Variants in HIPK3 observed in about 807,000 individuals in gnomAD.
The protein encoded by HIPK3 is homeodomain interacting protein kinase 3.
Under a neutral mutation model 124.2 loss-of-function variants are expected in HIPK3, and 47 were observed. The ratio of observed to expected loss-of-function variants is 0.38; its 90% CI spans 0.30 to 0.48. The LOEUF is 0.48. Ranked by LOEUF, HIPK3 falls within the 20% of genes least tolerant of loss-of-function variation. HIPK3 has a pLI of 0.98. For synonymous variants in HIPK3, 482 were observed against 515.2 expected, an observed-to-expected ratio of 0.94 and a Z score of 0.87; for missense variants, 1,286 against 1,454.3, an observed-to-expected ratio of 0.88 and a Z score of 1.88.
Position 33,355,594 on chromosome 11 carries a change from C to T in HIPK3, c.*2026C>T, listed in dbSNP as rs1247461713. 5 of 151,934 alleles carry T rather than the reference C, an allele frequency of 3.3e-5. No individual in the cohort carries two copies. Among genetic ancestry groups the T allele is most frequent in the African/African-American group, 7.2e-5 (3 of 41,406 alleles). The allele number at this position is 151,934 out of a possible 1,614,324, so 9.4% of individuals were successfully genotyped here. On this transcript the variant is annotated 3_prime_UTR_variant, in exon 17 of 17. Coordinates refer to ENST00000303296, the MANE Select transcript of HIPK3 (RefSeq NM_005734.5). Reference sequence around the variant, plus strand: ...TACCACTAGTACAGCTCTAGTACAGCGTTCACAATAAGCTAATAATGGATA... The same window carrying T: ...TACCACTAGTACAGCTCTAGTACAGTGTTCACAATAAGCTAATAATGGATA...
At chr11:33,272,553 T>G (rs1851155092) in intron 1 of HIPK3, among the ~76,000 whole-genome samples, 2 of 152,170 alleles carry the variant, frequency 1.3e-5, no homozygotes, top group South Asian at 4.1e-4. Context: ...AAGTTTCTGC[T>G]GTATCACCTT....
intron 2 of HIPK3, among the ~76,000 whole-genome samples, chr11:33,310,552 G>A (rs1189201195): frequency 6.6e-6 from 1 of 152,012 alleles, no homozygotes; most frequent in Non-Finnish European, 1.5e-5. Flanking sequence ...CAAGTGATTC[G>A]CCCAGCTTGG....
chr11:33,332,296 T>C (rs1281026449), intron 3 of HIPK3, among the ~76,000 whole-genome samples: 1 of 152,164 alleles, frequency 6.6e-6, no homozygotes, highest in African/African-American at 2.4e-5. Flanking sequence ...TATATAGACA[T>C]CTATATTTAG....
rs1369328106 is a variant in HIPK3 at position 33,286,432 on chromosome 11, G to C, written c.18G>C (p.Leu6Phe). The C allele has an allele frequency of 6.7e-7, 1 of 1,490,796 alleles. No individual in the cohort carries two copies. The highest frequency in any genetic ancestry group is 2.1e-5 in the Admixed American group (1 of 48,634). The allele number at this position is 1,490,796 out of a possible 1,614,324, so 92.3% of individuals were successfully genotyped here. Reference protein sequence around the residue: MASQVLVYPPYVYQTQ... With the variant: MASQVFVYPPYVYQTQ... ...TTGCAGGTATGGCCTCACAAGTCTT[G>C]GTCTACCCACCATATGTTTATCAAA... is the stretch of plus-strand genomic sequence containing the variant. Residue 6 changes from leucine (L) to phenylalanine (F), a missense_variant, in exon 2 of 17, where the codon TTG (leucine) becomes TTC (phenylalanine). Physicochemically the swap from Leu to Phe is conservative, Grantham distance 22 (BLOSUM62 0). This residue lies in a region of HIPK3 where 225 missense variants were observed against 240.3 expected (regional missense o/e 0.94). Transcript: ENST00000303296.
intron 1 of HIPK3, among the ~76,000 whole-genome samples, chr11:33,264,221 GA>G (rs1850898297): frequency 6.6e-6 from 1 of 151,938 alleles, no homozygotes; most frequent in Admixed American, 6.6e-5. Context: ...CATAATAAAG[GA>G]AAATGTAGTA....
chr11:33,273,585 A>C (rs545254561), intron 1 of HIPK3, among the ~76,000 whole-genome samples: 1 of 150,374 alleles, frequency 6.7e-6, no homozygotes, highest in Non-Finnish European at 1.5e-5. Context: ...AAGGGCATTT[A>C]TATAAAGTGG....
chr11:33,304,174 C>T (rs951516475), intron 2 of HIPK3, among the ~76,000 whole-genome samples: 7 of 152,166 alleles, frequency 4.6e-5, no homozygotes, highest in South Asian at 2.1e-4. Flanking sequence ...CTCCTGACCT[C>T]GTGATCTACC....
At chr11:33,319,861 A>C (rs561113121) in intron 2 of HIPK3, among the ~76,000 whole-genome samples, 1 of 152,364 alleles carries the variant, frequency 6.6e-6, no homozygotes, top group South Asian at 2.1e-4. Context: ...GTTAATGACA[A>C]GTGCTATAGA....
intron 2 of HIPK3, among the ~76,000 whole-genome samples, chr11:33,312,094 A>G (rs1003762339): frequency 8.5e-5 from 13 of 152,168 alleles, no homozygotes. Flanking sequence ...TCCTGGCCTC[A>G]AGCTATCCTT....
At chr11:33,320,103 G>A (rs1286640994) in intron 2 of HIPK3, among the ~76,000 whole-genome samples, 1 of 152,204 alleles carries the variant, frequency 6.6e-6, no homozygotes, top group East Asian at 1.9e-4. Flanking sequence ...AAACAGTAAG[G>A]AGACTAATGT....
At chr11:33,290,680 T>G (rs979285271) in intron 2 of HIPK3, among the ~76,000 whole-genome samples, 5 of 151,512 alleles carry the variant, frequency 3.3e-5, no homozygotes, top group Admixed American at 6.6e-5. Context: ...GTCGGTTTAC[T>G]AAATCTTTCA....
chr11:33,258,906 A>G (rs948588285), intron 1 of HIPK3, among the ~76,000 whole-genome samples: 1 of 152,108 alleles, frequency 6.6e-6, no homozygotes, highest in Non-Finnish European at 1.5e-5. Context: ...AGGGGCTTCT[A>G]TTAGCAACAG....
chr11:33,338,719 A>G (rs765412633), intron 4 of HIPK3, 38 bp from the exon 5 acceptor site: 1 of 1,323,530 alleles, frequency 7.6e-7, no homozygotes, highest in East Asian at 2.3e-5. Flanking sequence ...GAAATTTGTA[A>G]TAATGTATTC....
At chr11:33,335,308 C>T (rs146648308) in intron 3 of HIPK3, among the ~76,000 whole-genome samples, 286 of 152,164 alleles carry the variant, frequency 1.9e-3, no homozygotes, top group African/African-American at 5.7e-3. Flanking sequence ...AAAGACAAGA[C>T]TCTGGAAAGC....
At chr11:33,328,870 T>C (rs899690977) in intron 3 of HIPK3, among the ~76,000 whole-genome samples, 8 of 152,198 alleles carry the variant, frequency 5.3e-5, no homozygotes, top group African/African-American at 1.9e-4. Context: ...TTGGGAAAAT[T>C]TTATACTGTA....
intron 6 of HIPK3, among the ~76,000 whole-genome samples, chr11:33,340,466 A>G (rs1396445952): frequency 1.3e-5 from 2 of 152,240 alleles, no homozygotes; most frequent in Non-Finnish European, 2.9e-5. Flanking sequence ...TCAGTATTTA[A>G]AAAGACAAAA....
intron 1 of HIPK3, among the ~76,000 whole-genome samples, chr11:33,262,885 A>G (rs1850862086): frequency 6.6e-6 from 1 of 151,952 alleles, no homozygotes; most frequent in South Asian, 2.1e-4. Context: ...TGGTATGATC[A>G]TAGCTCACTG....
rs113207160 is a variant in HIPK3 at position 33,284,350 on chromosome 11, C to T, written c.-2-2063C>T. ...TTACAATATAATGAAATGTTGTAAT[C>T]GCAAAATGAGAAGAATTTAGGAACT... On this transcript the variant is annotated intron_variant, in intron 1 of 16. Transcript: ENST00000303296. Among the ~76,000 whole-genome samples the T allele has an allele frequency of 1.2e-3, 187 of 152,172 alleles. 1 individual carries two copies. The highest frequency in any genetic ancestry group is 4.4e-3 in the African/African-American group (181 of 41,496).
At chr11:33,353,024 C>A in intron 16 of HIPK3, 68 bp from the exon 17 acceptor site, 1 of 958,982 alleles carries the variant, frequency 1.0e-6, no homozygotes, top group South Asian at 1.6e-5. Context: ...TGTAATTTCC[C>A]TTTCTTTCTT....
Sources: gnomAD v4.1 joint callset for allele counts (sites outside exome capture counted in the v4.1 genomes callset) on GRCh38, gnomAD v4.1.1 for gene constraint, gnomAD v4.1.1 regional missense constraint, MANE v1.5 for transcripts, NCBI Gene and HGNC (gene_info 2026-07-23, HGNC 2026-07-21) for gene names.